GRID1: variants seen among roughly 807,000 people sequenced by gnomAD.
The protein encoded by GRID1 is glutamate receptor ionotropic, delta-1.
GRID1 carries 28 observed loss-of-function variants against 98.0 expected under a neutral mutation model. That is an observed-to-expected ratio of 0.29 (90% CI 0.21 to 0.39). The LOEUF (loss-of-function observed/expected upper bound fraction) is 0.39, where lower values mean the gene tolerates loss of function less well. Ranked by LOEUF, GRID1 falls within the 10% of genes least tolerant of loss-of-function variation. The pLI, the probability that GRID1 is intolerant of heterozygous loss-of-function variation, is 1.00. For synonymous variants in GRID1, 553 were observed against 538.5 expected (o/e 1.03, Z -0.37); for missense variants, 1,111 against 1,340.5 (o/e 0.83, Z 2.67).
intron 5 of GRID1, among the ~76,000 whole-genome samples, chr10:85,889,944 G>A (rs879294282): frequency 5.3e-5 from 8 of 151,906 alleles, no homozygotes; most frequent in Non-Finnish European, 1.0e-4. Context: ...CATATTCGGG[G>A]GTATATAATG....
At chr10:86,180,319 G>A (rs1211811548) in intron 3 of GRID1, among the ~76,000 whole-genome samples, 1 of 152,140 alleles carries the variant, frequency 6.6e-6, no homozygotes, top group Non-Finnish European at 1.5e-5. Context: ...ATGGCATAGA[G>A]GCCCAGAGTG....
At position 86,174,413 on chromosome 10, in the gene GRID1, T is replaced by C. The variant is rs866685021; in HGVS notation, c.520+31951A>G. On this transcript the variant is annotated intron_variant, in intron 3 of 15. Coordinates refer to ENST00000327946, the MANE Select transcript of GRID1 (RefSeq NM_017551.3). ...GGGAAAGGATTCCCTATTTAATAAA[T>C]GGTGCTGGGAAAACTGGCTAGCCAT... Among the ~76,000 whole-genome samples, 113 of 151,966 alleles carry C rather than the reference T, an allele frequency of 7.4e-4. 1 individual carries two copies. In the Middle Eastern group the frequency reaches 0.01, roughly 14 times the overall value.
rs117149114 is a variant in GRID1 at position 86,198,874 on chromosome 10, G to T, written c.520+7490C>A. On this transcript the variant is annotated intron_variant, in intron 3 of 15. Coordinates refer to ENST00000327946, the MANE Select transcript of GRID1 (RefSeq NM_017551.3). ...CTACCACTCTTGGTCCCCATGCATG[G>T]TTTGTTGTGATCATATAGACCACTT... Among the ~76,000 whole-genome samples the T allele has an allele frequency of 1.8e-4, 28 of 152,184 alleles. 1 individual carries two copies. The highest frequency in any genetic ancestry group is 3.8e-4 in the Non-Finnish European group (26 of 67,988).
Position 85,790,056 on chromosome 10 carries a change from T to C in GRID1, c.1234-60442A>G, listed in dbSNP as rs540248224. On this transcript the variant is annotated intron_variant, in intron 8 of 15. Transcript: ENST00000327946. ...TAGATTTACTTTGTCTGGAAGCTTT[T>C]CCCAGTGGGCAATTCATCCTCCTCC... Among the ~76,000 whole-genome samples the C allele has an allele frequency of 9.8e-4, 149 of 152,294 alleles. 1 individual carries two copies. Among genetic ancestry groups the C allele is most frequent in the African/African-American group, 3.4e-3 (143 of 41,564 alleles).
chr10:86,330,634 A>G (rs1352746343), intron 2 of GRID1, among the ~76,000 whole-genome samples: 1 of 152,254 alleles, frequency 6.6e-6, no homozygotes, highest in Non-Finnish European at 1.5e-5. Context: ...AGCAGCAAGT[A>G]GAGGCCAAGA....
chr10:85,935,880 C>T (rs1841919063), intron 4 of GRID1, among the ~76,000 whole-genome samples: 2 of 152,214 alleles, frequency 1.3e-5, no homozygotes, highest in Non-Finnish European at 2.9e-5. Flanking sequence ...AGACTCTAAA[C>T]TCTCTGCACA....
intron 5 of GRID1, among the ~76,000 whole-genome samples, chr10:85,875,418 C>T (rs955228327): frequency 6.6e-6 from 1 of 151,996 alleles, no homozygotes; most frequent in South Asian, 2.1e-4. Flanking sequence ...GCCTGTAAAC[C>T]TAATATACTA....
intron 3 of GRID1, among the ~76,000 whole-genome samples, chr10:86,141,089 G>C (rs1845004347): frequency 6.6e-6 from 1 of 151,928 alleles, no homozygotes; most frequent in South Asian, 2.1e-4. Flanking sequence ...TGCCCACTGT[G>C]TCAGACAGGA....
intron 4 of GRID1, among the ~76,000 whole-genome samples, chr10:86,106,362 G>A (rs1467004745): frequency 6.6e-6 from 1 of 152,026 alleles, no homozygotes; most frequent in Non-Finnish European, 1.5e-5. Flanking sequence ...ATCCCAGGAT[G>A]TTAGGTCAAA....
intron 6 of GRID1, among the ~76,000 whole-genome samples, chr10:85,863,838 G>A (rs1004858889): frequency 6.6e-6 from 1 of 152,174 alleles, no homozygotes; most frequent in Non-Finnish European, 1.5e-5. Context: ...GGGTATTCCA[G>A]CCTAGTATTT....
chr10:86,029,985 G>A (rs1285742010), intron 4 of GRID1, among the ~76,000 whole-genome samples: 1 of 152,212 alleles, frequency 6.6e-6, no homozygotes, highest in Non-Finnish European at 1.5e-5. Flanking sequence ...TTGCAGTAGA[G>A]CTATACATGG....
At chr10:86,031,099 C>T (rs1843179889) in intron 4 of GRID1, among the ~76,000 whole-genome samples, 1 of 152,242 alleles carries the variant, frequency 6.6e-6, no homozygotes, top group East Asian at 1.9e-4. Context: ...TGGAGACCTT[C>T]GTTTCCACAG....
chr10:85,850,167 G>C (rs916839552), intron 8 of GRID1, among the ~76,000 whole-genome samples: 4 of 152,134 alleles, frequency 2.6e-5, no homozygotes, highest in Non-Finnish European at 5.9e-5. Context: ...AATTCTCCCA[G>C]GGTTTTCCTG....
In GRID1 at chr10:85,730,503, C is replaced by G. The variant is rs191090003; in HGVS notation, c.1234-889G>C. Among the ~76,000 whole-genome samples the G allele has an allele frequency of 2.6e-5, 4 of 152,304 alleles. No homozygotes were observed. The East Asian group carries it at 5.8e-4, about 22-fold the overall frequency. On this transcript the variant is annotated intron_variant, in intron 8 of 15. Transcript: ENST00000327946. ...GGCCTGAGCATAGGAAGTGTTAATG[C>G]CTCCTGAGTGCTCCTGATACTGCAG... is the stretch of plus-strand genomic sequence containing the variant.
intron 2 of GRID1, among the ~76,000 whole-genome samples, chr10:86,212,027 G>A (rs934971874): frequency 6.6e-6 from 1 of 152,194 alleles, no homozygotes; most frequent in African/African-American, 2.4e-5. Flanking sequence ...GGTGCTGGAG[G>A]TGAGAAAGGT....
intron 4 of GRID1, among the ~76,000 whole-genome samples, chr10:86,074,704 T>G (rs959589447): frequency 2.0e-5 from 3 of 152,206 alleles, no homozygotes; most frequent in Non-Finnish European, 4.4e-5. Flanking sequence ...TTTCCTTGGA[T>G]AGAACTCAGC....
chr10:85,832,311 G>GC (rs2131762796), intron 8 of GRID1, among the ~76,000 whole-genome samples: 1 of 152,028 alleles, frequency 6.6e-6, no homozygotes, highest in African/African-American at 2.4e-5. Context: ...CATTATAAGA[G>GC]CCCCAGCATT....
intron 2 of GRID1, among the ~76,000 whole-genome samples, chr10:86,314,713 T>C (rs894414899): frequency 3.3e-5 from 5 of 152,224 alleles, no homozygotes; most frequent in African/African-American, 1.2e-4. Flanking sequence ...ACCTCAGCTC[T>C]TGGGCCAACA....
chr10:86,279,943 C>A (rs1847333836), intron 2 of GRID1, among the ~76,000 whole-genome samples: 1 of 152,166 alleles, frequency 6.6e-6, no homozygotes, highest in Non-Finnish European at 1.5e-5. Context: ...GCAGCTCATG[C>A]CTCTAATCTC....
Sources: gnomAD v4.1 joint callset for allele counts (sites outside exome capture counted in the v4.1 genomes callset) on GRCh38, gnomAD v4.1.1 for gene constraint, MANE v1.5 for transcripts, NCBI Gene and HGNC (gene_info 2026-07-23, HGNC 2026-07-21) for gene names.